FANCA: variants seen among roughly 807,000 people sequenced by gnomAD.
FANCA encodes FA complementation group A.
In FANCA, 236 loss-of-function variants were observed where a neutral mutation model predicts 194.3. The ratio of observed to expected loss-of-function variants is 1.21; its 90% CI spans 1.09 to 1.35. FANCA has a LOEUF of 1.35. Among genes scored for constraint, FANCA ranks in the 40% most tolerant of loss-of-function variants. The probability of loss-of-function intolerance (pLI) is 0.00; values close to 1 mark genes in which losing one functional copy is unlikely to be tolerated. For synonymous variants in FANCA, 1,014 were observed against 715.8 expected, an observed-to-expected ratio of 1.42 and a Z score of -6.65; for missense variants, 2,628 against 1,813.9, an observed-to-expected ratio of 1.45 and a Z score of -8.15.
At chr16:89,798,865 C>T in intron 10 of FANCA, 1 of 1,547,568 alleles carries the variant, frequency 6.5e-7, no homozygotes, top group Non-Finnish European at 8.7e-7. Flanking sequence ...CAAGGGGAGA[C>T]TCCACACAGG....
intron 27 of FANCA, among the ~76,000 whole-genome samples, chr16:89,765,987 CATT>C (rs1375514265): frequency 6.6e-6 from 1 of 151,200 alleles, no homozygotes; most frequent in African/African-American, 2.4e-5. Context: ...AGTTGAAAAC[CATT>C]ATTTATTTAT....
chr16:89,800,168 G>A (rs1381929736), intron 8 of FANCA, among the ~76,000 whole-genome samples: 1 of 152,204 alleles, frequency 6.6e-6, no homozygotes, highest in Admixed American at 6.5e-5. Context: ...GGGCTGGGCA[G>A]GACACTTTTG....
chr16:89,797,201 C>G (rs902449874), intron 10 of FANCA, among the ~76,000 whole-genome samples: 1 of 151,944 alleles, frequency 6.6e-6, no homozygotes, highest in African/African-American at 2.4e-5. Flanking sequence ...CATGGTGGCA[C>G]ACACCTATAG....
chr16:89,737,634 G>GT lies in FANCA; in HGVS notation c.*966dup. ...AAGCCACGTGACAGTGTATAAAGCA[G>GT]TTTAAAGATCTTAATAAACGAGGCC... is the stretch of plus-strand genomic sequence containing the variant. On this transcript the variant is annotated 3_prime_UTR_variant, in exon 43 of 43. Coordinates refer to ENST00000389301, the MANE Select transcript of FANCA (RefSeq NM_000135.4). 1 of 1,324,396 alleles carries GT rather than the reference G, an allele frequency of 7.6e-7. No individual in the cohort carries two copies. Among genetic ancestry groups the GT allele is most frequent in the Non-Finnish European group, 1.0e-6 (1 of 992,206 alleles). 82.0% of individuals were successfully genotyped at this position (1,324,396 alleles called of 1,614,324 possible).
intron 8 of FANCA, among the ~76,000 whole-genome samples, chr16:89,801,938 C>G (rs1184401107): frequency 6.6e-6 from 1 of 152,124 alleles, no homozygotes; most frequent in African/African-American, 2.4e-5. Flanking sequence ...TATGATCCAG[C>G]AATCCCATTA....
Position 89,805,353 on chromosome 16 carries a change from C to A in FANCA, c.636G>T (p.Arg212Ser). 6.2e-7 allele frequency: 1 copy of A among 1,614,038 alleles called. No individual in the cohort carries two copies. The highest frequency in any genetic ancestry group is 8.5e-7 in the Non-Finnish European group (1 of 1,179,972). The change falls in exon 7 of 43, where the codon AGG (arginine) becomes AGT (serine). Residue 212 changes from arginine to serine, a missense_variant. Transcript: ENST00000389301. ...DMHAVGSWLFRNLCCLCEQME... is the reference protein window; with the variant it reads ...DMHAVGSWLFSNLCCLCEQME... ...TCTGTTCACAAAGGCAGCACAGATT[C>A]CTGAAGAGCCACGATCCCACAGCAT...
intron 15 of FANCA, among the ~76,000 whole-genome samples, 198 bp downstream of exon 15, chr16:89,784,656 C>A (rs1235727587): frequency 6.6e-6 from 1 of 152,098 alleles, no homozygotes; most frequent in Non-Finnish European, 1.5e-5. Context: ...CACTGTGTGT[C>A]CACGTGGACA....
rs1216645940 is a variant in FANCA, at chr16:89,769,884, G to A, written c.2457C>T (p.Asp819=). The A allele has an allele frequency of 5.0e-6, 8 of 1,614,176 alleles. No individual in the cohort carries two copies. Among genetic ancestry groups the A allele is most frequent in the East Asian group, 2.2e-5 (1 of 44,872 alleles). ...GAGLPVPALF[D]SLLTCRTRDS... ...CCCTCGTCCTACAGGTCAGGAGGCT[G>A]TCAAAGAGCGCAGGGACAGGAAGGC... The change falls in exon 26 of 43, where the codon GAC becomes GAT. Residue 819 remains aspartate (D), a synonymous_variant. Coordinates refer to ENST00000389301, the MANE Select transcript of FANCA (RefSeq NM_000135.4).
In FANCA at chr16:89,748,645, C is replaced by A; in HGVS notation, c.3348+14G>T. On this transcript the variant is annotated intron_variant, in intron 33 of 42. Coordinates refer to ENST00000389301, the MANE Select transcript of FANCA (RefSeq NM_000135.4). ...CTGACAGATCGGACGGACACGTGCACACGGGGCACCTACCATCTCAGAGTT... is the reference window on the plus strand; with the variant it reads ...CTGACAGATCGGACGGACACGTGCAAACGGGGCACCTACCATCTCAGAGTT... 1 of 1,604,352 alleles carries A rather than the reference C, an allele frequency of 6.2e-7. No homozygotes were observed.
At position 89,805,534 on chromosome 16, in the gene FANCA, C is replaced by G. The variant is rs61234051; in HGVS notation, c.597-142G>C. On this transcript the variant is annotated intron_variant, in intron 6 of 42. Coordinates refer to ENST00000389301, the MANE Select transcript of FANCA (RefSeq NM_000135.4). ...TGGAGTGCAGTGGCGCAATCAGTCA[C>G]TGCACCCTCGACCTCCCAGGCTCAA... The G allele has an allele frequency of 1.6e-3, 1,091 of 664,978 alleles. 8 individuals carry two copies. The African/African-American group carries it at 0.018, about 11-fold the overall frequency. 41.2% of individuals were successfully genotyped at this position (664,978 alleles called of 1,614,324 possible).
intron 30 of FANCA, among the ~76,000 whole-genome samples, chr16:89,754,625 T>TC (rs1336201214): frequency 2.0e-5 from 3 of 152,052 alleles, no homozygotes; most frequent in African/African-American, 7.2e-5. Context: ...CACTTCACCC[T>TC]CCCAAAGTGC....
intron 31 of FANCA, among the ~76,000 whole-genome samples, chr16:89,750,478 G>A (rs974742408): frequency 2.6e-5 from 3 of 114,542 alleles, no homozygotes; most frequent in Non-Finnish European, 3.7e-5. Context: ...GTGAGACTCC[G>A]TCTCAAAAAA....
At chr16:89,803,098 C>G (rs557839206) in intron 8 of FANCA, among the ~76,000 whole-genome samples, 161 bp downstream of exon 8, 5 of 152,200 alleles carry the variant, frequency 3.3e-5, no homozygotes, top group African/African-American at 7.2e-5. Context: ...TCTAAACACC[C>G]TGACTTGATC....
rs964843904 is a variant in FANCA, at chr16:89,771,734, T to A, written c.2095A>T (p.Ile699Leu). The A allele has an allele frequency of 2.3e-5, 37 of 1,614,040 alleles. No individual in the cohort carries two copies. The highest frequency in any genetic ancestry group is 3.1e-5 in the Non-Finnish European group (37 of 1,180,050). Residue 699 changes from isoleucine to leucine, a missense_variant, in exon 23 of 43, where the codon ATA becomes TTA. Ile to Leu is a conservative substitution (Grantham distance 5). Transcript: ENST00000389301. ...TTGATGCTGAGCTGAATCTTTGATA[T>A]CTCAACGCTGCTGTCATCCTCATTG... ...GHNEDDSSVE[I>L]SKIQLSINTP...
At chr16:89,808,147 T>A in intron 6 of FANCA, 147 bp downstream of exon 6, 1 of 763,066 alleles carries the variant, frequency 1.3e-6, no homozygotes, top group Non-Finnish European at 2.4e-6. Context: ...AGGTCTAGTC[T>A]AGTATAAATA....
At chr16:89,795,708 C>T (rs993441109) in intron 11 of FANCA, among the ~76,000 whole-genome samples, 198 bp downstream of exon 11, 2 of 152,298 alleles carry the variant, frequency 1.3e-5, no homozygotes, top group Middle Eastern at 3.4e-3. Context: ...TCTGAATTTT[C>T]TTATAAAAAT....
chr16:89,805,137 T>C (rs948208503), intron 7 of FANCA, 143 bp downstream of exon 7: 11 of 695,148 alleles, frequency 1.6e-5, no homozygotes, highest in Admixed American at 2.1e-5. Flanking sequence ...CACAACAGGC[T>C]GAGACTGGGA....
In FANCA at chr16:89,792,531, C is replaced by G; in HGVS notation, c.1023G>C (p.Gln341His). The G allele has an allele frequency of 6.2e-7, 1 of 1,613,330 alleles. No individual in the cohort carries two copies. The highest frequency in any genetic ancestry group is 2.2e-5 in the East Asian group (1 of 44,886). ...SPVLKASDAV[Q>H]MQREWSFART... is the part of the protein sequence containing the mutation. ...GCGCAAAGCTCCACTCTCTCTGCAT[C>G]TGAACAGCATCAGATGCTGCAGGGG... is the stretch of plus-strand genomic sequence containing the variant. Residue 341 changes from glutamine to histidine, a missense_variant, in exon 12 of 43, where the codon CAG (glutamine) becomes CAC (histidine). By Grantham distance (24) the Gln-to-His change is conservative. Coordinates refer to ENST00000389301, the MANE Select transcript of FANCA (RefSeq NM_000135.4).
chr16:89,749,161 C>A lies in FANCA; in HGVS notation c.3240-394G>T, dbSNP rs55835251. ...CCGTGGGCATTTCTGAACACTTTTC[C>A]CTACTTTCACAAGAGCTCCTTCTGC... On this transcript the variant is annotated intron_variant, in intron 32 of 42. Transcript: ENST00000389301. Among the ~76,000 whole-genome samples, 385 of 152,262 alleles carry A rather than the reference C, an allele frequency of 2.5e-3. 4 individuals carry two copies. Among genetic ancestry groups the A allele is most frequent in the African/African-American group, 8.2e-3 (342 of 41,548 alleles).
Sources: gnomAD v4.1 joint callset for allele counts (sites outside exome capture counted in the v4.1 genomes callset) on GRCh38, gnomAD v4.1.1 for gene constraint, MANE v1.5 for transcripts, NCBI Gene and HGNC (gene_info 2026-07-23, HGNC 2026-07-21) for gene names.